THSD7A: variants seen among roughly 807,000 people sequenced by gnomAD.
THSD7A encodes thrombospondin type 1 domain containing 7A.
A neutral mutation model predicts 231.3 loss-of-function variants in THSD7A; 96 were observed. The ratio of observed to expected loss-of-function variants is 0.41; its 90% confidence interval spans 0.35 to 0.49. The LOEUF (loss-of-function observed/expected upper bound fraction) is 0.49. THSD7A is among the 20% of genes least tolerant of loss of function. THSD7A has a pLI of 0.05. For synonymous variants in THSD7A, 940 were observed against 743.3 expected (o/e 1.26, Z -4.30); for missense variants, 2,290 against 2,070.2 (o/e 1.11, Z -2.06).
chr7:11,613,836 T>C (rs1313973048), intron 2 of THSD7A, among the ~76,000 whole-genome samples: 4 of 152,226 alleles, frequency 2.6e-5, no homozygotes, highest in African/African-American at 9.6e-5. Flanking sequence ...ATTTTGCTTA[T>C]GGATTTGCCT....
intron 23 of THSD7A, chr7:11,383,833 G>A (rs904353314): frequency 2.6e-5 from 4 of 151,936 alleles, no homozygotes; most frequent in African/African-American, 7.2e-5. Context: ...CTTAAAGTGC[G>A]GTTCAGAGAC....
chr7:11,692,400 TC>T (rs1164300617), intron 1 of THSD7A, among the ~76,000 whole-genome samples: 5 of 151,580 alleles, frequency 3.3e-5, no homozygotes, highest in Non-Finnish European at 5.9e-5. Flanking sequence ...CTCTATCATT[TC>T]CCACTGAAAA....
chr7:11,616,092 TTGTGA>T (rs1781093914), intron 2 of THSD7A, among the ~76,000 whole-genome samples: 1 of 152,224 alleles, frequency 6.6e-6, no homozygotes, highest in South Asian at 2.1e-4. Flanking sequence ...ATTTACTGGT[TTGTGA>T]TATTTCCTTT....
intron 4 of THSD7A, among the ~76,000 whole-genome samples, chr7:11,579,280 C>A (rs1396463778): frequency 6.6e-6 from 1 of 152,162 alleles, no homozygotes; most frequent in Non-Finnish European, 1.5e-5. Flanking sequence ...AGTAGCTACT[C>A]CCTATTGAGC....
chr7:11,671,364 C>T (rs906942359), intron 1 of THSD7A, among the ~76,000 whole-genome samples: 3 of 152,112 alleles, frequency 2.0e-5, no homozygotes, highest in African/African-American at 7.2e-5. Context: ...CTATAAACTG[C>T]TTATTAGTAA....
chr7:11,462,978 T>C (rs1411204306), intron 9 of THSD7A, among the ~76,000 whole-genome samples: 1 of 152,160 alleles, frequency 6.6e-6, no homozygotes, highest in African/African-American at 2.4e-5. Flanking sequence ...ACTTTAACGA[T>C]GAATAGCTGC....
chr7:11,527,379 A>G (rs1039004752), intron 6 of THSD7A, among the ~76,000 whole-genome samples: 5 of 152,110 alleles, frequency 3.3e-5, no homozygotes, highest in African/African-American at 4.8e-5. Context: ...TTGAAACAAA[A>G]TTGGCCAAAA....
chr7:11,772,914 C>G (rs778241390), intron 1 of THSD7A, among the ~76,000 whole-genome samples: 5 of 151,944 alleles, frequency 3.3e-5, no homozygotes, highest in Non-Finnish European at 7.4e-5. Flanking sequence ...CAACAACAGT[C>G]AAGATAATTT....
chr7:11,636,916 A>G lies in THSD7A; in HGVS notation c.236T>C (p.Ile79Thr). The G allele has an allele frequency of 1.2e-6, 2 of 1,613,048 alleles. No homozygotes were observed. Among genetic ancestry groups the G allele is most frequent in the African/African-American group, 1.3e-5 (1 of 74,998 alleles). Residue 79 changes from isoleucine to threonine, a missense_variant, in exon 2 of 28, where the codon ATC becomes ACC. Physicochemically the swap from Ile to Thr is moderately conservative, Grantham distance 89. Coordinates refer to ENST00000423059, the MANE Select transcript of THSD7A (RefSeq NM_015204.3). This position sits in a 1 kb window ranked among gnomAD's most constrained non-coding sequence, Gnocchi z 10.0. ...CMGDECGPGG[I>T]QTRAVWCAHV... ...AGCACACCACACAGCCCTCGTTTGGATGCCTCCGGGACCACATTCATCTCC... is the reference window on the plus strand; with the variant it reads ...AGCACACCACACAGCCCTCGTTTGGGTGCCTCCGGGACCACATTCATCTCC...
At chr7:11,551,019 T>G (rs1421224191) in intron 4 of THSD7A, among the ~76,000 whole-genome samples, 1 of 151,982 alleles carries the variant, frequency 6.6e-6, no homozygotes, top group African/African-American at 2.4e-5. Context: ...ATGGAACAGA[T>G]TAGTGATTCC....
intron 1 of THSD7A, among the ~76,000 whole-genome samples, chr7:11,702,058 A>G (rs565259307): frequency 6.6e-6 from 1 of 151,202 alleles, no homozygotes; most frequent in Non-Finnish European, 1.5e-5. Flanking sequence ...GTCTTAGTCT[A>G]TCTTCTACTT....
chr7:11,550,028 G>T (rs898207649), intron 4 of THSD7A, among the ~76,000 whole-genome samples: 2 of 151,982 alleles, frequency 1.3e-5, no homozygotes, highest in African/African-American at 2.4e-5. Context: ...ATCCAAATAG[G>T]AAGAGATAAG....
intron 6 of THSD7A, among the ~76,000 whole-genome samples, chr7:11,503,248 T>C (rs980793848): frequency 6.6e-6 from 1 of 152,322 alleles, no homozygotes; most frequent in South Asian, 2.1e-4. Flanking sequence ...CTGCAATAAC[T>C]GGCTAGCCAT....
intron 1 of THSD7A, among the ~76,000 whole-genome samples, chr7:11,680,524 T>A (rs1273770732): frequency 4.6e-5 from 7 of 152,032 alleles, no homozygotes; most frequent in Admixed American, 4.6e-4. Flanking sequence ...AACAACCCCA[T>A]CAAAAAGTGA....
chr7:11,801,898 A>T (rs1784287357), intron 1 of THSD7A, among the ~76,000 whole-genome samples: 1 of 152,238 alleles, frequency 6.6e-6, no homozygotes, highest in African/African-American at 2.4e-5. Flanking sequence ...CTGCATAGTT[A>T]TCAGGAATAA....
intron 1 of THSD7A, among the ~76,000 whole-genome samples, chr7:11,788,133 G>C (rs1185751503): frequency 2.0e-5 from 3 of 151,952 alleles, no homozygotes; most frequent in African/African-American, 4.8e-5. Context: ...CTGATCTTTT[G>C]CATCTAATCC....
intron 2 of THSD7A, among the ~76,000 whole-genome samples, chr7:11,594,164 G>A (rs750214834): frequency 5.9e-5 from 9 of 152,112 alleles, no homozygotes; most frequent in Non-Finnish European, 7.4e-5. Flanking sequence ...TCCTGCCCTC[G>A]AACATCAGAC....
intron 6 of THSD7A, among the ~76,000 whole-genome samples, chr7:11,489,673 T>C (rs1323283082): frequency 1.3e-5 from 2 of 152,044 alleles, no homozygotes; most frequent in Non-Finnish European, 2.9e-5. Flanking sequence ...GCTTGGCATA[T>C]CCCACTGTTC....
chr7:11,798,406 G>C (rs2128180486), intron 1 of THSD7A, among the ~76,000 whole-genome samples: 1 of 151,982 alleles, frequency 6.6e-6, no homozygotes, highest in African/African-American at 2.4e-5. Flanking sequence ...GGGGAGCGTA[G>C]GTTGCAGTGA....
Sources: gnomAD v4.1 joint callset for allele counts (sites outside exome capture counted in the v4.1 genomes callset) on GRCh38, gnomAD v4.1.1 for gene constraint, Gnocchi (gnomAD v3.1) non-coding constraint, MANE v1.5 for transcripts, NCBI Gene and HGNC (gene_info 2026-07-23, HGNC 2026-07-21) for gene names.